The following ITGA11 variants were observed in gnomAD, a reference collection of about 807,000 sequenced individuals.
The protein encoded by ITGA11 is integrin alpha-11.
Under a neutral mutation model 141.9 loss-of-function variants are expected in ITGA11, and 97 were observed. The observed-to-expected ratio is 0.68, with a 90% CI of 0.58 to 0.81. The LOEUF (loss-of-function observed/expected upper bound fraction) is 0.81. Ranked by LOEUF, ITGA11 falls within the 30% of genes least tolerant of loss-of-function variation. ITGA11 has a pLI of 0.00. For missense variants in ITGA11, 1,387 were observed against 1,559.2 expected, an observed-to-expected ratio of 0.89 and a Z score of 1.86; for synonymous variants, 658 against 624.6, an observed-to-expected ratio of 1.05 and a Z score of -0.80.
At chr15:68,360,132 A>C (rs1895194757) in intron 5 of ITGA11, among the ~76,000 whole-genome samples, 1 of 151,956 alleles carries the variant, frequency 6.6e-6, no homozygotes, top group Non-Finnish European at 1.5e-5. Context: ...ATGACCTGAC[A>C]CTCCTGGCCT....
intron 1 of ITGA11, among the ~76,000 whole-genome samples, chr15:68,423,980 GA>G (rs1193126030): frequency 1.3e-5 from 2 of 152,138 alleles, no homozygotes; most frequent in African/African-American, 4.8e-5. Context: ...ACATCTCTGA[GA>G]AACTCAGAGA....
intron 5 of ITGA11, among the ~76,000 whole-genome samples, chr15:68,360,540 A>G (rs1895209505): frequency 6.6e-6 from 1 of 152,162 alleles, no homozygotes; most frequent in Non-Finnish European, 1.5e-5. Flanking sequence ...TAGGACCCAC[A>G]TGGGGTGCCC....
intron 3 of ITGA11, among the ~76,000 whole-genome samples, chr15:68,367,342 C>T (rs1895454357): frequency 6.6e-6 from 1 of 152,266 alleles, no homozygotes; most frequent in African/African-American, 2.4e-5. Flanking sequence ...CACCACACCC[C>T]AACCTCATTG....
intron 1 of ITGA11, among the ~76,000 whole-genome samples, chr15:68,425,230 C>G: frequency 6.6e-6 from 1 of 152,218 alleles, no homozygotes; most frequent in East Asian, 1.9e-4. Flanking sequence ...TTGATGAGCG[C>G]TTGGCCTGTA....
At position 68,358,511 on chromosome 15, in the gene ITGA11, G is replaced by A. The variant is rs1324733139; in HGVS notation, c.547C>T (p.His183Tyr). 4 of 1,613,952 alleles carry A rather than the reference G, an allele frequency of 2.5e-6. No homozygotes were observed. The highest frequency in any genetic ancestry group is 2.7e-5 in the African/African-American group (2 of 74,934). ...NSIYPWVEVQ[H>Y]FLINILKKFY... ...TTTTTCAGGATGTTGATGAGGAAGT[G>A]CTGAACCTCCACCCAGGGGTAGATG... The change falls in exon 6 of 30, where the codon CAC becomes TAC. Residue 183 changes from histidine (H) to tyrosine (Y), a missense_variant. By Grantham distance (83) the His-to-Tyr change is moderately conservative. Transcript: ENST00000315757.
rs566981687 is a variant in ITGA11, at chr15:68,311,158, T to A, written c.3088-78A>T. ...TGGCAGACGCAGGATCCCAGAGAGG[T>A]TTCTTTTCTCCTCCTCTAGCCGTGG... On this transcript the variant is annotated intron_variant, in intron 25 of 29. Coordinates refer to ENST00000315757, the MANE Select transcript of ITGA11 (RefSeq NM_001004439.2). 3.0e-6 allele frequency: 4 copies of A among 1,349,186 alleles called. No individual in the cohort carries two copies. In the South Asian group the frequency reaches 5.0e-5, roughly 17 times the overall value. 83.6% of individuals were successfully genotyped at this position (1,349,186 alleles called of 1,614,324 possible).
At chr15:68,381,189 A>G (rs1298384025) in intron 2 of ITGA11, among the ~76,000 whole-genome samples, 1 of 152,198 alleles carries the variant, frequency 6.6e-6, no homozygotes, top group Non-Finnish European at 1.5e-5. Context: ...ATTACCAGGC[A>G]CCACCTCTAG....
chr15:68,346,775 C>T (rs1323452093), intron 10 of ITGA11, among the ~76,000 whole-genome samples: 1 of 152,178 alleles, frequency 6.6e-6, no homozygotes, highest in Admixed American at 6.5e-5. Context: ...CGGATCTTTC[C>T]CTGACCACCC....
intron 1 of ITGA11, among the ~76,000 whole-genome samples, chr15:68,403,562 G>A (rs1018476126): frequency 6.6e-6 from 1 of 152,096 alleles, no homozygotes; most frequent in Non-Finnish European, 1.5e-5. Context: ...GCAGATGCTG[G>A]CACCATGATT....
At chr15:68,316,269 G>A (rs1893571843) in intron 21 of ITGA11, among the ~76,000 whole-genome samples, 1 of 152,228 alleles carries the variant, frequency 6.6e-6, no homozygotes, top group African/African-American at 2.4e-5. Flanking sequence ...CAGCGCTTCT[G>A]CCACACTGCT....
chr15:68,306,613 GAACA>G (rs912451468), intron 28 of ITGA11, among the ~76,000 whole-genome samples: 3 of 152,154 alleles, frequency 2.0e-5, no homozygotes, highest in Non-Finnish European at 2.9e-5. Flanking sequence ...CCAAATGAAT[GAACA>G]AACAAAAAAG....
rs770991478 is a variant in ITGA11 at position 68,303,040 on chromosome 15, CAA to C, written c.*17_*18del. On this transcript the variant is annotated 3_prime_UTR_variant, in exon 30 of 30. Transcript: ENST00000315757. This position sits in a 1 kb window ranked among gnomAD's most constrained non-coding sequence, Gnocchi z 5.3. ...ACTGGTGTCCTGGCCCCCATCAACT[CAA>C]AGTCTCCTCTGGAGCCTCACTCCAG... 2.7e-5 allele frequency: 41 copies of C among 1,544,968 alleles called. No homozygotes were observed. The highest frequency in any genetic ancestry group is 6.0e-5 in the Admixed American group (3 of 50,368).
At chr15:68,358,366 G>T (rs1004874022) in intron 6 of ITGA11, 92 bp downstream of exon 6, 1 of 1,386,556 alleles carries the variant, frequency 7.2e-7, no homozygotes, top group South Asian at 1.5e-5. Context: ...CCTCCTTCGT[G>T]CATGCAAAGA....
intron 1 of ITGA11, among the ~76,000 whole-genome samples, chr15:68,431,156 C>A (rs1246967880): frequency 1.3e-5 from 2 of 152,240 alleles, no homozygotes; most frequent in Non-Finnish European, 2.9e-5. Context: ...GTGGGACGGC[C>A]GGGGCCAGGG....
In ITGA11 at chr15:68,402,926, G is replaced by A. The variant is rs776308299; in HGVS notation, c.156C>T (p.Gly52=). 1.9e-6 allele frequency: 3 copies of A among 1,611,666 alleles called. No homozygotes were observed. Among genetic ancestry groups the A allele is most frequent in the African/African-American group, 2.7e-5 (2 of 74,884 alleles). The change falls in exon 2 of 30, where the codon GGC becomes GGT. Residue 52 remains glycine (G), a synonymous_variant. Coordinates refer to ENST00000315757, the MANE Select transcript of ITGA11 (RefSeq NM_001004439.2). ...CGGCCGCTCTCACTCACCACTTATTGCCACTGATGTCGTGCTGCTGCACTG... is the reference window on the plus strand; with the variant it reads ...CGGCCGCTCTCACTCACCACTTATTACCACTGATGTCGTGCTGCTGCACTG... The part of the protein sequence containing the change: ...GYTVQQHDIS[G]NKWLVVGAPL...
Position 68,402,955 on chromosome 15 carries a change from A to G in ITGA11, c.127T>C (p.Tyr43His). ...IPGSRTAFFG[Y>H]TVQQHDISGN... ...CTGATGTCGTGCTGCTGCACTGTGT[A>G]GCCAAAGAAGGCGGTCCTGGAGCCA... Residue 43 changes from tyrosine to histidine, a missense_variant, in exon 2 of 30, where the codon TAC (tyrosine) becomes CAC (histidine). Tyr to His is a moderately conservative substitution (Grantham distance 83, BLOSUM62 2). Coordinates refer to ENST00000315757, the MANE Select transcript of ITGA11 (RefSeq NM_001004439.2). 1 of 1,613,830 alleles carries G rather than the reference A, an allele frequency of 6.2e-7. No individual in the cohort carries two copies. The highest frequency in any genetic ancestry group is 1.3e-5 in the African/African-American group (1 of 75,030).
chr15:68,350,560 G>GT (rs1894874064), intron 9 of ITGA11, 57 bp downstream of exon 9: 1 of 1,531,522 alleles, frequency 6.5e-7, no homozygotes, highest in South Asian at 1.2e-5. Context: ...GCTCTACGGG[G>GT]TTTACCTGAC....
Position 68,369,195 on chromosome 15 carries a change from T to C in ITGA11, c.254A>G (p.Lys85Arg), listed in dbSNP as rs1567147363. Residue 85 changes from lysine (K) to arginine (R), a missense_variant, in exon 3 of 30, where the codon AAA becomes AGA. Physicochemically the swap from Lys to Arg is conservative, Grantham distance 26. Coordinates refer to ENST00000315757, the MANE Select transcript of ITGA11 (RefSeq NM_001004439.2). ...KCPVIHGNCT[K>R]LNLGRVTLSN... ...CCAGCCCACGTTACCCAGGTTGAGT[T>C]TGGTGCAGTTCCCGTGGATCACTGG... 3 of 1,613,604 alleles carry C rather than the reference T, an allele frequency of 1.9e-6. No individual in the cohort carries two copies. Among genetic ancestry groups the C allele is most frequent in the Middle Eastern group, 1.6e-4 (1 of 6,062 alleles).
chr15:68,399,360 T>C (rs1896407700), intron 2 of ITGA11, among the ~76,000 whole-genome samples: 1 of 152,130 alleles, frequency 6.6e-6, no homozygotes, highest in Non-Finnish European at 1.5e-5. Flanking sequence ...GAAATGCTTA[T>C]ACACTGTTGG....
Sources: gnomAD v4.1 joint callset for allele counts (sites outside exome capture counted in the v4.1 genomes callset) on GRCh38, gnomAD v4.1.1 for gene constraint, Gnocchi (gnomAD v3.1) non-coding constraint, MANE v1.5 for transcripts, NCBI Gene and HGNC (gene_info 2026-07-23, HGNC 2026-07-21) for gene names.